The following PLEKHG2 variants were observed in gnomAD, a reference collection of about 807,000 sequenced individuals.
The protein encoded by PLEKHG2 is pleckstrin homology domain-containing family G member 2.
In PLEKHG2, 71 loss-of-function variants were observed where a neutral mutation model predicts 104.4. The observed-to-expected ratio is 0.68, with a 90% CI of 0.56 to 0.83. PLEKHG2 has a LOEUF of 0.83. Ranked by LOEUF, PLEKHG2 falls within the 40% of genes least tolerant of loss-of-function variation. PLEKHG2 has a pLI of 0.00. For synonymous variants in PLEKHG2, 728 were observed against 737.0 expected, an observed-to-expected ratio of 0.99 and a Z score of 0.20; for missense variants, 1,730 against 1,809.4, an observed-to-expected ratio of 0.96 and a Z score of 0.80.
At position 39,422,924 on chromosome 19, in the gene PLEKHG2, G is replaced by A; in HGVS notation, c.1870G>A (p.Ala624Thr). ...VLEGLESSIA[A>T]EMPSIPCLTK... ...GGAAGGGCTCGAAAGTTCCATTGCA[G>A]CTGAAATGCCCAGCATTCCCTGCCT... Residue 624 changes from alanine to threonine, a missense_variant, in exon 18 of 19, where the codon GCT becomes ACT. Coordinates refer to ENST00000425673, the MANE Select transcript of PLEKHG2 (RefSeq NM_022835.3). 1.2e-6 allele frequency: 2 copies of A among 1,611,860 alleles called. No homozygotes were observed. The highest frequency in any genetic ancestry group is 1.7e-6 in the Non-Finnish European group (2 of 1,178,412).
rs2078694558 is a variant in PLEKHG2 at position 39,421,180 on chromosome 19, G to A, written c.1486+67G>A. 6 of 1,185,552 alleles carry A rather than the reference G, an allele frequency of 5.1e-6. No homozygotes were observed. The Admixed American group carries it at 9.0e-5, about 18-fold the overall frequency. 73.4% of individuals were successfully genotyped at this position (1,185,552 alleles called of 1,614,324 possible). On this transcript the variant is annotated intron_variant, in intron 15 of 18. Transcript: ENST00000425673. ...TCGCCCGGTGGGATGTCTGGGGCGG[G>A]TTGGGGAGGGGTGGTTGCTTCAGCT...
Position 39,418,057 on chromosome 19 carries a change from G to A in PLEKHG2, c.1035G>A (p.Leu345=), listed in dbSNP as rs751583952. The A allele has an allele frequency of 1.9e-6, 3 of 1,545,206 alleles. No homozygotes were observed. In the Admixed American group the frequency reaches 6.0e-5, roughly 31 times the overall value. ...RLLFLFSRML[L]VAKRRGLEYT... ...TCTTCCTGTTCTCTCGGATGCTGCTGGTGGCCAAGCGCAGGGGGCTGGAGT... is the reference window on the plus strand; with the variant it reads ...TCTTCCTGTTCTCTCGGATGCTGCTAGTGGCCAAGCGCAGGGGGCTGGAGT... Residue 345 remains leucine, a synonymous_variant, in exon 9 of 19, where the codon CTG becomes CTA. Coordinates refer to ENST00000425673, the MANE Select transcript of PLEKHG2 (RefSeq NM_022835.3).
chr19:39,422,360 C>T (rs1428999899), intron 17 of PLEKHG2, 72 bp downstream of exon 17: 1 of 1,467,794 alleles, frequency 6.8e-7, no homozygotes, highest in Non-Finnish European at 9.2e-7. Context: ...ACCAGATAGG[C>T]CAGCCCATGC....
chr19:39,414,579 C>T (rs1002727557), intron 2 of PLEKHG2, among the ~76,000 whole-genome samples: 2 of 152,172 alleles, frequency 1.3e-5, no homozygotes, highest in Non-Finnish European at 2.9e-5. Context: ...AGTTGAGTGT[C>T]ACTGGCATCC....
Position 39,420,967 on chromosome 19 carries a change from CTG to C in PLEKHG2, c.1421_1422del (p.Val474AspfsTer9). ...CCCACAGCTCCATCTCCTGGGCCCTCTGTGATTCGCCGAGGCCGCAGGCAGTC... is the reference window on the plus strand; with the variant it reads ...CCCACAGCTCCATCTCCTGGGCCCTCTGATTCGCCGAGGCCGCAGGCAGTC... On this transcript the variant is annotated frameshift_variant, in exon 14 of 19. Transcript: ENST00000425673. LOFTEE classifies it high-confidence loss of function. The C allele has an allele frequency of 3.1e-6, 5 of 1,614,062 alleles. No individual in the cohort carries two copies. Among genetic ancestry groups the C allele is most frequent in the South Asian group, 1.1e-5 (1 of 91,082 alleles).
At position 39,412,751 on chromosome 19, in the gene PLEKHG2, C is replaced by T. The variant is rs371435179; in HGVS notation, c.-684C>T. On this transcript the variant is annotated 5_prime_UTR_variant, in exon 1 of 19. Coordinates refer to ENST00000425673, the MANE Select transcript of PLEKHG2 (RefSeq NM_022835.3). ...GGTCCAGAGGCTCGGACCCGGGCGT[C>T]CGGAATTTCTGCACCGCATCCTGAG... The T allele has an allele frequency of 2.7e-4, 41 of 152,148 alleles. No homozygotes were observed. The highest frequency in any genetic ancestry group is 9.4e-4 in the African/African-American group (39 of 41,428). The allele number at this position is 152,148 out of a possible 1,614,324, so 9.4% of individuals were successfully genotyped here.
At position 39,415,213 on chromosome 19, in the gene PLEKHG2, G is replaced by T; in HGVS notation, c.331G>T (p.Val111Leu). The change falls in exon 3 of 19, where the codon GTG becomes TTG. Residue 111 changes from valine to leucine, a missense_variant. Transcript: ENST00000425673. The surrounding 1 kb of genome is among the most constrained non-coding windows in gnomAD (Gnocchi z 4.6). ...GCTGGAGCGTGTGGCCCGGGAGATCGTGGAGACAGAACGGGCCTATGTCAG... is the reference window on the plus strand; with the variant it reads ...GCTGGAGCGTGTGGCCCGGGAGATCTTGGAGACAGAACGGGCCTATGTCAG... Reference protein sequence around the residue: ...SRLERVAREIVETERAYVRDL... With the variant: ...SRLERVAREILETERAYVRDL... 6.3e-7 allele frequency: 1 copy of T among 1,584,070 alleles called. No homozygotes were observed. Among genetic ancestry groups the T allele is most frequent in the Non-Finnish European group, 8.6e-7 (1 of 1,164,364 alleles).
chr19:39,425,453 TC>T lies in PLEKHG2; in HGVS notation c.*161del. 8.5e-7 allele frequency: 1 copy of T among 1,177,116 alleles called. No homozygotes were observed. Among genetic ancestry groups the T allele is most frequent in the Non-Finnish European group, 1.1e-6 (1 of 886,928 alleles). The allele number at this position is 1,177,116 out of a possible 1,614,324, so 72.9% of individuals were successfully genotyped here. A position where few individuals can be genotyped will look rare whatever the true frequency, so the allele number is the denominator to read the frequency against. On this transcript the variant is annotated 3_prime_UTR_variant, in exon 19 of 19. Transcript: ENST00000425673. Reference sequence around the variant, plus strand: ...CGGCGAATGGCCCTTCTTGCCTTGATCCACAGGGATGGGGAAGGGAGGAATG... The same window carrying T: ...CGGCGAATGGCCCTTCTTGCCTTGATCACAGGGATGGGGAAGGGAGGAATG...
At chr19:39,421,588 T>G (rs1869942939) in intron 16 of PLEKHG2, 2 of 479,192 alleles carry the variant, frequency 4.2e-6, no homozygotes, top group Admixed American at 3.3e-5. Flanking sequence ...CTCAGGAGAC[T>G]GAGGTGGGAG....
Position 39,413,071 on chromosome 19 carries a change from CT to C in PLEKHG2, c.-363del, listed in dbSNP as rs1271664171. 6.6e-6 allele frequency: 1 copy of C among 152,222 alleles called. No homozygotes were observed. Among genetic ancestry groups the C allele is most frequent in the Admixed American group, 6.5e-5 (1 of 15,274 alleles). 9.4% of individuals were successfully genotyped at this position (152,222 alleles called of 1,614,324 possible). A position where few individuals can be genotyped will look rare whatever the true frequency, so the allele number is the denominator to read the frequency against. On this transcript the variant is annotated 5_prime_UTR_variant, in exon 1 of 19. Coordinates refer to ENST00000425673, the MANE Select transcript of PLEKHG2 (RefSeq NM_022835.3). This position sits in a 1 kb window ranked among gnomAD's most constrained non-coding sequence, Gnocchi z 4.5. ...GGGGACCCAGGACTTTGGGACCCCC[CT>C]GTGCTCCCACCTGGAGGGAGTTTCA...
Position 39,424,628 on chromosome 19 carries a change from G to A in PLEKHG2, c.3495G>A (p.Lys1165=). 6.2e-7 allele frequency: 1 copy of A among 1,614,082 alleles called. No homozygotes were observed. The highest frequency in any genetic ancestry group is 8.5e-7 in the Non-Finnish European group (1 of 1,180,012). The change falls in exon 19 of 19, where the codon AAG becomes AAA. Residue 1165 remains lysine, a synonymous_variant. Transcript: ENST00000425673. Reference sequence around the variant, plus strand: ...TCCAAGCCCTCCCAACTTCACCCAAGCAGGGAAGCCTCCCAGACATCCAGG... The same window carrying A: ...TCCAAGCCCTCCCAACTTCACCCAAACAGGGAAGCCTCCCAGACATCCAGG... The part of the protein sequence containing the change: ...IWVQALPTSP[K]QGSLPDIQGP...
rs1353125721 is a variant in PLEKHG2 at position 39,424,346 on chromosome 19, C to T, written c.3213C>T (p.Cys1071=). 6.2e-7 allele frequency: 1 copy of T among 1,614,142 alleles called. No individual in the cohort carries two copies. The highest frequency in any genetic ancestry group is 1.7e-5 in the Admixed American group (1 of 60,018). The change falls in exon 19 of 19, where the codon TGC becomes TGT. Residue 1071 remains cysteine, a synonymous_variant. Transcript: ENST00000425673. ...SRDVQGPDPV[C]SQPIQPLSWH... The stretch of plus-strand genomic sequence containing the variant: ...ATGTTCAGGGCCCAGACCCTGTCTG[C>T]AGTCAACCCATCCAGCCTTTGTCTT...
At chr19:39,419,028 G>A (rs1475887052) in intron 11 of PLEKHG2, 25 bp downstream of exon 11, 20 of 1,590,950 alleles carry the variant, frequency 1.3e-5, no homozygotes, top group Non-Finnish European at 1.6e-5. Flanking sequence ...GCAGCCGGGG[G>A]CCCTCTGAGT....
chr19:39,423,800 G>C lies in PLEKHG2; in HGVS notation c.2667G>C (p.Glu889Asp). 6.2e-7 allele frequency: 1 copy of C among 1,614,222 alleles called. No individual in the cohort carries two copies. Among genetic ancestry groups the C allele is most frequent in the African/African-American group, 1.3e-5 (1 of 75,052 alleles). Residue 889 changes from glutamate to aspartate, a missense_variant, in exon 19 of 19, where the codon GAG becomes GAC. By Grantham distance (45) the Glu-to-Asp change is conservative. Coordinates refer to ENST00000425673, the MANE Select transcript of PLEKHG2 (RefSeq NM_022835.3). ...ELAFPLTCAQ[E>D]SVPLGPAVWV... is the part of the protein sequence containing the mutation. Reference sequence around the variant, plus strand: ...CCTTCCCACTGACATGTGCCCAGGAGTCTGTCCCCCTGGGTCCTGCTGTCT... The same window carrying C: ...CCTTCCCACTGACATGTGCCCAGGACTCTGTCCCCCTGGGTCCTGCTGTCT...
chr19:39,423,405 T>C lies in PLEKHG2; in HGVS notation c.2351T>C (p.Phe784Ser). 6.2e-7 allele frequency: 1 copy of C among 1,610,942 alleles called. No individual in the cohort carries two copies. The highest frequency in any genetic ancestry group is 1.1e-5 in the South Asian group (1 of 90,702). Reference sequence around the variant, plus strand: ...CAGGGACAGCTGGCCCGGCCAGGCTTCCCAGAGCCACTGCTGATCCTGGAG... The same window carrying C: ...CAGGGACAGCTGGCCCGGCCAGGCTCCCCAGAGCCACTGCTGATCCTGGAG... ...LEQGQLARPG[F>S]PEPLLILEDS... Residue 784 changes from phenylalanine to serine, a missense_variant, in exon 18 of 19, where the codon TTC (phenylalanine) becomes TCC (serine). Physicochemically the swap from Phe to Ser is radical, Grantham distance 155. Coordinates refer to ENST00000425673, the MANE Select transcript of PLEKHG2 (RefSeq NM_022835.3).
chr19:39,417,235 C>T (rs192920790), intron 7 of PLEKHG2, among the ~76,000 whole-genome samples: 101 of 152,104 alleles, frequency 6.6e-4, no homozygotes, highest in Admixed American at 2.3e-3. Flanking sequence ...TCACTGCAAC[C>T]TCCACCTCCT....
At chr19:39,422,368 T>G (rs1319589454) in intron 17 of PLEKHG2, 80 bp downstream of exon 17, 9 of 1,411,402 alleles carry the variant, frequency 6.4e-6, no homozygotes, top group Non-Finnish European at 2.9e-6. Flanking sequence ...GGCCAGCCCA[T>G]GCTGATACCT....
rs2078682128 is a variant in PLEKHG2, at chr19:39,420,508, A to C, written c.1264-118A>C. The C allele has an allele frequency of 5.4e-6, 7 of 1,302,298 alleles. No homozygotes were observed. The African/African-American group carries it at 7.3e-5, about 14-fold the overall frequency. The allele number at this position is 1,302,298 out of a possible 1,614,324, so 80.7% of individuals were successfully genotyped here. On this transcript the variant is annotated intron_variant, in intron 11 of 18. Transcript: ENST00000425673. Reference sequence around the variant, plus strand: ...CACTGTACTCCAACCTGGCGTATAGAGCAAGATCTAAAAACAAAAACAGCA... The same window carrying C: ...CACTGTACTCCAACCTGGCGTATAGCGCAAGATCTAAAAACAAAAACAGCA...
At position 39,417,475 on chromosome 19, in the gene PLEKHG2, T is replaced by C. The variant is rs1162784237; in HGVS notation, c.745-80T>C. 7.8e-6 allele frequency: 12 copies of C among 1,530,308 alleles called. No homozygotes were observed. The East Asian group carries it at 1.9e-4, about 24-fold the overall frequency. The allele number at this position is 1,530,308 out of a possible 1,614,324, so 94.8% of individuals were successfully genotyped here. On this transcript the variant is annotated intron_variant, in intron 7 of 18. Transcript: ENST00000425673. Reference sequence around the variant, plus strand: ...GCCTCTGCCCCTATCTTTATATTTCTCCATCTCCTGTTATTCTCATTCTCT... The same window carrying C: ...GCCTCTGCCCCTATCTTTATATTTCCCCATCTCCTGTTATTCTCATTCTCT...
Sources: gnomAD v4.1 joint callset for allele counts (sites outside exome capture counted in the v4.1 genomes callset) on GRCh38, gnomAD v4.1.1 for gene constraint, Gnocchi (gnomAD v3.1) non-coding constraint, MANE v1.5 for transcripts, NCBI Gene and HGNC (gene_info 2026-07-23, HGNC 2026-07-21) for gene names.